SETBP1: variants seen among roughly 807,000 people sequenced by gnomAD.
The protein encoded by SETBP1 is SET binding protein 1, also known as SET-binding protein.
A neutral mutation model predicts 101.0 loss-of-function variants in SETBP1; 9 were observed. That is an observed-to-expected ratio of 0.09 (90% CI 0.05 to 0.16). The LOEUF is 0.16. Ranked by LOEUF, SETBP1 falls within the 10% of genes least tolerant of loss-of-function variation. The probability of loss-of-function intolerance (pLI) is 1.00; values close to 1 mark genes in which losing one functional copy is unlikely to be tolerated. For missense variants in SETBP1, 1,858 were observed against 2,033.8 expected (o/e 0.91, Z 1.66); for synonymous variants, 818 against 788.5 (o/e 1.04, Z -0.63).
intron 3 of SETBP1, among the ~76,000 whole-genome samples, chr18:44,877,871 A>C (rs1485710949): frequency 6.6e-6 from 1 of 152,118 alleles, no homozygotes; most frequent in Admixed American, 6.6e-5. Context: ...AGTCTTAATA[A>C]GTTCTCCTGG....
intron 2 of SETBP1, among the ~76,000 whole-genome samples, chr18:44,821,317 T>C (rs2072111106): frequency 1.3e-5 from 2 of 152,222 alleles, no homozygotes; most frequent in South Asian, 4.1e-4. Context: ...CTCTTGCTGG[T>C]GCGTCTCTTT....
intron 2 of SETBP1, among the ~76,000 whole-genome samples, chr18:44,798,824 A>G (rs1385098594): frequency 6.6e-6 from 1 of 152,200 alleles, no homozygotes. Context: ...ACTCTCGCTT[A>G]TCTCCTATCT....
At chr18:44,954,012 T>C (rs2071426468) in intron 4 of SETBP1, among the ~76,000 whole-genome samples, 1 of 152,200 alleles carries the variant, frequency 6.6e-6, no homozygotes, top group South Asian at 2.1e-4. Flanking sequence ...TGGAAGGTGA[T>C]ATGTGCCTCC....
At chr18:44,958,228 G>A (rs185718825) in intron 4 of SETBP1, among the ~76,000 whole-genome samples, 1 of 152,282 alleles carries the variant, frequency 6.6e-6, no homozygotes, top group East Asian at 1.9e-4. Context: ...CCAAGTTATT[G>A]ACCATGTTGA....
chr18:45,054,887 A>C (rs1200481951), intron 5 of SETBP1, among the ~76,000 whole-genome samples: 3 of 152,270 alleles, frequency 2.0e-5, no homozygotes, highest in East Asian at 3.9e-4. Context: ...TTGCCTAATC[A>C]AATAAAGAAT....
intron 4 of SETBP1, among the ~76,000 whole-genome samples, chr18:44,954,353 A>C (rs1420743486): frequency 2.0e-5 from 3 of 150,662 alleles, no homozygotes; most frequent in Admixed American, 6.6e-5. Context: ...AAAAAAAAAA[A>C]ACAGTTCTTG....
chr18:44,701,867 T>A, intron 2 of SETBP1, 35 bp downstream of exon 2: 1 of 1,603,540 alleles, frequency 6.2e-7, no homozygotes, highest in Non-Finnish European at 8.5e-7. Flanking sequence ...TTTTTGTTTG[T>A]TTCTCTGTTT....
At chr18:44,907,239 T>C (rs947260211) in intron 3 of SETBP1, among the ~76,000 whole-genome samples, 1 of 152,232 alleles carries the variant, frequency 6.6e-6, no homozygotes, top group African/African-American at 2.4e-5. Flanking sequence ...TTCTATTTTG[T>C]TTATCCATTC....
intron 2 of SETBP1, among the ~76,000 whole-genome samples, chr18:44,749,548 A>G (rs2070336022): frequency 6.6e-6 from 1 of 152,214 alleles, no homozygotes; most frequent in South Asian, 2.1e-4. Flanking sequence ...TTAGCAAGAA[A>G]GTATGAAGGA....
Position 44,951,590 on chromosome 18 carries a change from G to C in SETBP1, c.2250G>C (p.Arg750Ser), listed in dbSNP as rs758841783. 1.9e-6 allele frequency: 3 copies of C among 1,613,982 alleles called. No individual in the cohort carries two copies. The highest frequency in any genetic ancestry group is 2.7e-5 in the African/African-American group (2 of 74,894). Residue 750 changes from arginine (R) to serine (S), a missense_variant, in exon 4 of 6, where the codon AGG (arginine) becomes AGC (serine). Physicochemically the swap from Arg to Ser is moderately radical, Grantham distance 110 (BLOSUM62 -1). This residue lies in a region of SETBP1 where 121 missense variants were observed against 138.0 expected (regional missense o/e 0.88). Coordinates refer to ENST00000649279, the MANE Select transcript of SETBP1 (RefSeq NM_015559.3). The surrounding 1 kb of genome is among the most constrained non-coding windows in gnomAD (Gnocchi z 7.8). ...EEPKTAIKHPRPVSSQPDVPA... is the reference protein window; with the variant it reads ...EEPKTAIKHPSPVSSQPDVPA... ...CCAAAACAGCCATCAAGCACCCCAGGCCTGTTTCTAGCCAGCCGGATGTTC... is the reference window on the plus strand; with the variant it reads ...CCAAAACAGCCATCAAGCACCCCAGCCCTGTTTCTAGCCAGCCGGATGTTC...
At chr18:44,785,891 AC>A (rs950195092) in intron 2 of SETBP1, among the ~76,000 whole-genome samples, 1 of 151,794 alleles carries the variant, frequency 6.6e-6, no homozygotes, top group Admixed American at 6.6e-5. Flanking sequence ...CATTTTATTA[AC>A]CCCCCCACCA....
chr18:44,789,885 T>C (rs755321376), intron 2 of SETBP1, among the ~76,000 whole-genome samples: 4 of 152,212 alleles, frequency 2.6e-5, no homozygotes, highest in Admixed American at 2.6e-4. Flanking sequence ...TGATTCCTCC[T>C]GATAAGGCCT....
At chr18:44,787,880 A>AAAAAAAAAAAAAAAAAT in intron 2 of SETBP1, among the ~76,000 whole-genome samples, 1 of 129,862 alleles carries the variant, frequency 7.7e-6, no homozygotes, top group Non-Finnish European at 1.6e-5. Context: ...AAAAAAAAAA[A>AAAAAAAAAAAAAAAAAT]GAAAATTGTT....
intron 2 of SETBP1, among the ~76,000 whole-genome samples, chr18:44,707,645 C>G (rs776990926): frequency 2.6e-5 from 4 of 152,186 alleles, no homozygotes; most frequent in African/African-American, 9.7e-5. Flanking sequence ...ATAAATCATG[C>G]ACTTATTTCC....
At chr18:44,927,931 C>G (rs996151787) in intron 3 of SETBP1, among the ~76,000 whole-genome samples, 3 of 152,084 alleles carry the variant, frequency 2.0e-5, no homozygotes, top group Admixed American at 2.0e-4. Flanking sequence ...TCTGTGATGA[C>G]ATTATATATA....
At chr18:44,941,846 A>G (rs1568228945) in intron 3 of SETBP1, among the ~76,000 whole-genome samples, 1 of 151,812 alleles carries the variant, frequency 6.6e-6, no homozygotes, top group Non-Finnish European at 1.5e-5. Context: ...CGATCCTGAG[A>G]CTTCCCATAT....
intron 4 of SETBP1, among the ~76,000 whole-genome samples, chr18:45,020,443 T>A (rs1217455309): frequency 5.3e-5 from 8 of 152,000 alleles, no homozygotes. Context: ...CCCATTACAC[T>A]TTATTTGGTT....
chr18:44,754,944 G>A (rs2070460287), intron 2 of SETBP1, among the ~76,000 whole-genome samples: 1 of 152,172 alleles, frequency 6.6e-6, no homozygotes, highest in African/African-American at 2.4e-5. Context: ...ATAATCAATA[G>A]GTTGGTATTG....
intron 4 of SETBP1, among the ~76,000 whole-genome samples, chr18:44,972,994 T>C (rs1222198294): frequency 6.6e-6 from 1 of 152,236 alleles, no homozygotes; most frequent in African/African-American, 2.4e-5. Context: ...GCCTATTGAG[T>C]ATGATATTGG....
Sources: allele counts gnomAD v4.1 joint callset (sites outside exome capture counted in the v4.1 genomes callset), GRCh38; gene constraint gnomAD v4.1.1; regional missense constraint gnomAD v4.1.1; non-coding constraint Gnocchi (gnomAD v3.1); transcripts MANE v1.5; gene names NCBI Gene and HGNC (gene_info 2026-07-23, HGNC 2026-07-21).